Variants in CYRIB observed in about 807,000 individuals in gnomAD.
CYRIB encodes CYFIP-related Rac1 interactor B.
In CYRIB, 8 loss-of-function variants were observed where a neutral mutation model predicts 44.2. That is an observed-to-expected ratio of 0.18 (90% confidence interval 0.11 to 0.33). The LOEUF (loss-of-function observed/expected upper bound fraction) is 0.33. Among genes scored for constraint, CYRIB ranks in the 10% least tolerant of loss-of-function variants. CYRIB has a pLI of 1.00. For synonymous variants in CYRIB, 131 were observed against 127.2 expected (o/e 1.03, Z -0.20); for missense variants, 185 against 382.8 (o/e 0.48, Z 4.31).
intron 2 of CYRIB, 125 bp from the exon 5 acceptor site, chr8:129,879,596 C>A: frequency 1.4e-6 from 1 of 705,080 alleles, no homozygotes; most frequent in Non-Finnish European, 2.3e-6. Context: ...CTTCAGGTTA[C>A]CCAGACTGTG....
exon 12 of CYRIB, chr8:129,841,148 CTGCCTTCATGT>C (rs1220938602): frequency 1.3e-5 from 2 of 152,148 alleles, no homozygotes; most frequent in Non-Finnish European, 2.9e-5. Flanking sequence ...AAGGGCTACT[CTGCCTTCATGT>C]TGCTACCCGC....
chr8:129,907,733 G>C (rs2076157980), intron 1 of CYRIB, among the ~76,000 whole-genome samples: 1 of 152,184 alleles, frequency 6.6e-6, no homozygotes. Flanking sequence ...CTGGTGCAGT[G>C]GCTCACGCCT....
chr8:129,900,216 C>T (rs2070819284), intron 2 of CYRIB, among the ~76,000 whole-genome samples: 1 of 152,074 alleles, frequency 6.6e-6, no homozygotes, highest in South Asian at 2.1e-4. Context: ...AAATGTGGGG[C>T]TTAATCCACT....
In CYRIB at chr8:129,879,626, G is replaced by A. The variant is rs143765775; in HGVS notation, c.-10-155C>T. ...ACTGTGCTCTGGCAGACAGCAAAAC[G>A]GGTTCTCAAGGTGTTGATATGTAGG... On this transcript the variant is annotated intron_variant, in intron 2 of 11. Transcript: ENST00000519824. 1.0e-3 allele frequency: 602 copies of A among 596,044 alleles called. 1 individual carries two copies. The African/African-American group carries it at 0.01, about 10-fold the overall frequency. The allele number at this position is 596,044 out of a possible 1,614,324, so 36.9% of individuals were successfully genotyped here.
intron 1 of CYRIB, among the ~76,000 whole-genome samples, chr8:129,932,263 C>T (rs981923528): frequency 5.3e-5 from 8 of 152,034 alleles, no homozygotes; most frequent in Non-Finnish European, 8.8e-5. Flanking sequence ...GTACCAGCTG[C>T]CCTTTGCTCT....
intron 2 of CYRIB, among the ~76,000 whole-genome samples, chr8:129,957,379 A>T (rs2094913161): frequency 6.6e-6 from 1 of 152,194 alleles, no homozygotes; most frequent in Non-Finnish European, 1.5e-5. Context: ...TGTCCCCAAG[A>T]CTTAAAACAC....
exon 12 of CYRIB, chr8:129,841,240 C>T (rs2036170176): frequency 6.6e-6 from 1 of 152,016 alleles, no homozygotes; most frequent in Admixed American, 6.6e-5. Flanking sequence ...AAGAGTAAAT[C>T]AAGAATAAAA....
At chr8:129,921,966 A>G (rs1225402184) in intron 1 of CYRIB, among the ~76,000 whole-genome samples, 2 of 152,180 alleles carry the variant, frequency 1.3e-5, no homozygotes, top group Admixed American at 6.5e-5. Context: ...TATGGAGTTC[A>G]GGGAAGAGGT....
intron 1 of CYRIB, among the ~76,000 whole-genome samples, chr8:129,908,115 C>A (rs886665537): frequency 1.6e-4 from 25 of 152,148 alleles, no homozygotes; most frequent in South Asian, 4.1e-4. Context: ...AAAACTAAAT[C>A]TCAGAAAATA....
chr8:129,855,770 AC>A (rs2045916031), intron 5 of CYRIB, 23 bp from the exon 8 acceptor site: 2 of 1,584,562 alleles, frequency 1.3e-6, no homozygotes, highest in Middle Eastern at 1.9e-4. Context: ...ATTGAAAAAA[AC>A]ATTAAGTTGT....
At chr8:129,917,106 C>A (rs2081146547) in intron 1 of CYRIB, among the ~76,000 whole-genome samples, 1 of 152,182 alleles carries the variant, frequency 6.6e-6, no homozygotes, top group Non-Finnish European at 1.5e-5. Context: ...ATTAGCAACA[C>A]AGATCAAATA....
chr8:129,958,764 A>T (rs901703708), intron 2 of CYRIB, among the ~76,000 whole-genome samples: 7 of 129,554 alleles, frequency 5.4e-5, no homozygotes, highest in Admixed American at 1.5e-4. Flanking sequence ...CCACTGGTTT[A>T]AAAAAAAAAA....
chr8:130,004,751 A>G lies in CYRIB; in HGVS notation c.-296+11619T>C, dbSNP rs1047082191. 4 of 145,280 alleles carry G rather than the reference A, an allele frequency of 2.8e-5. No homozygotes were observed. In the Admixed American group the frequency reaches 2.8e-4, roughly 10 times the overall value. 9.0% of individuals were successfully genotyped at this position (145,280 alleles called of 1,614,324 possible). On this transcript the variant is annotated intron_variant, in intron 1 of 14. Transcript: ENST00000401979. The stretch of plus-strand genomic sequence containing the variant: ...CCAACCTTCAGGAACAACTCGGGAG[A>G]TTGTCAGGAATTTTTTTTTTTTTTT...
chr8:129,915,605 G>A (rs2080332449), intron 1 of CYRIB, among the ~76,000 whole-genome samples: 1 of 152,160 alleles, frequency 6.6e-6, no homozygotes, highest in African/African-American at 2.4e-5. Flanking sequence ...CTTTGAAGGT[G>A]ATTATGTTCA....
intron 1 of CYRIB, among the ~76,000 whole-genome samples, chr8:130,016,127 C>A (rs1259320393): frequency 6.7e-6 from 1 of 148,372 alleles, no homozygotes; most frequent in Non-Finnish European, 1.5e-5. Flanking sequence ...CGCCGCCCCC[C>A]GCGCACTCGA....
upstream of CYRIB, chr8:130,016,915 GACCCCCAAGGTCA>G (rs2097359030): frequency 6.6e-6 from 1 of 152,174 alleles, no homozygotes; most frequent in Non-Finnish European, 1.5e-5. Context: ...GCGCAAGAGT[GACCCCCAAGGTCA>G]CTGCCTGTCA....
intron 1 of CYRIB, among the ~76,000 whole-genome samples, chr8:129,913,073 A>C (rs1472329826): frequency 2.7e-5 from 4 of 150,600 alleles, no homozygotes; most frequent in African/African-American, 9.8e-5. Context: ...CTGGGATCAC[A>C]TCATTCTCCG....
chr8:129,846,505 A>C (rs1446945089), intron 11 of CYRIB, among the ~76,000 whole-genome samples: 1 of 152,152 alleles, frequency 6.6e-6, no homozygotes, highest in African/African-American at 2.4e-5. Context: ...ACTGGTATAT[A>C]ATACTTTTAT....
exon 10 of CYRIB, chr8:129,849,290 C>T: frequency 6.2e-7 from 1 of 1,612,338 alleles, no homozygotes; most frequent in Non-Finnish European, 8.5e-7. Flanking sequence ...TGTACGTGGT[C>T]ATAGAGTATT....
Sources: allele counts gnomAD v4.1 joint callset (sites outside exome capture counted in the v4.1 genomes callset), GRCh38; gene constraint gnomAD v4.1.1; transcripts MANE v1.5; gene names NCBI Gene and HGNC (gene_info 2026-07-23, HGNC 2026-07-21).